The following CERS5 variants were observed in gnomAD, a reference collection of about 807,000 sequenced individuals.
CERS5 encodes the protein ceramide synthase 5.
CERS5 carries 37 observed loss-of-function variants against 58.9 expected under a neutral mutation model. That is an observed-to-expected ratio of 0.63 (90% CI 0.48 to 0.83). The LOEUF (loss-of-function observed/expected upper bound fraction) is 0.83. CERS5 is among the 40% of genes least tolerant of loss of function. CERS5 has a pLI of 0.00. For missense variants in CERS5, 398 were observed against 489.3 expected, an observed-to-expected ratio of 0.81 and a Z score of 1.76; for synonymous variants, 147 against 177.8, an observed-to-expected ratio of 0.83 and a Z score of 1.38.
intron 2 of CERS5, 56 bp from the exon 3 acceptor site, chr12:50,143,260 C>G (rs775758985): frequency 6.3e-7 from 1 of 1,593,950 alleles, no homozygotes; most frequent in Non-Finnish European, 8.6e-7. Flanking sequence ...CTCCTTCAAT[C>G]CCATTGACTA....
intron 1 of CERS5, among the ~76,000 whole-genome samples, chr12:50,147,577 A>C (rs1478899216): frequency 2.6e-5 from 4 of 152,190 alleles, no homozygotes; most frequent in African/African-American, 9.7e-5. Context: ...GAATAATTCT[A>C]TAATTTCATA....
Position 50,129,922 on chromosome 12 carries a change from T to TTGAG in CERS5, c.*619_*622dup, listed in dbSNP as rs1951221013. ...TCCCATGCTCCCTCCCTGGGTACCA[T>TTGAG]TGAGTAAAGAGCAGGGTATTGGCAG... On this transcript the variant is annotated 3_prime_UTR_variant, in exon 10 of 10. Coordinates refer to ENST00000317551, the MANE Select transcript of CERS5 (RefSeq NM_147190.5). The TTGAG allele has an allele frequency of 1.3e-5, 2 of 152,214 alleles. No individual in the cohort carries two copies. The highest frequency in any genetic ancestry group is 6.6e-5 in the Admixed American group (1 of 15,258). 9.4% of individuals were successfully genotyped at this position (152,214 alleles called of 1,614,324 possible).
chr12:50,159,146 C>A (rs1434891766), intron 1 of CERS5, among the ~76,000 whole-genome samples: 2 of 151,972 alleles, frequency 1.3e-5, no homozygotes, highest in African/African-American at 4.8e-5. Context: ...ACGGTGAAAC[C>A]CCATCTCTAT....
intron 1 of CERS5, among the ~76,000 whole-genome samples, chr12:50,156,913 AC>A (rs1938724372): frequency 6.6e-6 from 1 of 152,162 alleles, no homozygotes; most frequent in African/African-American, 2.4e-5. Context: ...GATGGTTAAT[AC>A]TGAGTATCAA....
At chr12:50,140,286 T>A (rs1321560343) in intron 4 of CERS5, among the ~76,000 whole-genome samples, 8 of 58,050 alleles carry the variant, frequency 1.4e-4, no homozygotes, top group Admixed American at 1.1e-3. Flanking sequence ...ACTTCCAAAT[T>A]TTTTTTTTTT....
chr12:50,157,917 C>A (rs1283630806), intron 1 of CERS5, among the ~76,000 whole-genome samples: 1 of 151,954 alleles, frequency 6.6e-6, no homozygotes, highest in Non-Finnish European at 1.5e-5. Context: ...CAAAAATTAG[C>A]CAGGCACAGT....
At chr12:50,163,436 G>A (rs1050442457) in intron 1 of CERS5, among the ~76,000 whole-genome samples, 17 of 151,362 alleles carry the variant, frequency 1.1e-4, no homozygotes, top group African/African-American at 4.1e-4. Flanking sequence ...GACCTCAAGT[G>A]ATCTGCCTGC....
intron 6 of CERS5, among the ~76,000 whole-genome samples, chr12:50,136,483 A>G (rs1371482926): frequency 1.3e-5 from 2 of 152,170 alleles, no homozygotes; most frequent in African/African-American, 4.8e-5. Flanking sequence ...AAAAAAAAAA[A>G]AAAAGTTTCC....
chr12:50,166,059 A>G, intron 1 of CERS5: 1 of 401,746 alleles, frequency 2.5e-6, no homozygotes, highest in Non-Finnish European at 5.0e-6. Flanking sequence ...GCGGTGGCTC[A>G]CGCCTGTAAT....
chr12:50,137,639 G>T, intron 6 of CERS5, 89 bp downstream of exon 6: 1 of 719,684 alleles, frequency 1.4e-6, no homozygotes, highest in African/African-American at 1.8e-5. Flanking sequence ...GCAGTCTCAG[G>T]GAAGATAATA....
In CERS5 at chr12:50,130,152, A is replaced by C; in HGVS notation, c.*393T>G. 1 of 164,058 alleles carries C rather than the reference A, an allele frequency of 6.1e-6. No homozygotes were observed. Among genetic ancestry groups the C allele is most frequent in the Non-Finnish European group, 1.3e-5 (1 of 75,538 alleles). 10.2% of individuals were successfully genotyped at this position (164,058 alleles called of 1,614,324 possible). A position where few individuals can be genotyped will look rare whatever the true frequency, so the allele number is the denominator to read the frequency against. On this transcript the variant is annotated 3_prime_UTR_variant, in exon 10 of 10. Coordinates refer to ENST00000317551, the MANE Select transcript of CERS5 (RefSeq NM_147190.5). ...CAGGGGTTTAGAGTGTCAAGAGCCA[A>C]GGGCAAAAAAGAAGGAGAAGTCTGG...
chr12:50,131,941 T>TA (rs922150147), intron 9 of CERS5, among the ~76,000 whole-genome samples: 4 of 150,708 alleles, frequency 2.7e-5, no homozygotes, highest in Non-Finnish European at 5.9e-5. Context: ...CTACAAAAAA[T>TA]AAAAAATGAC....
At chr12:50,142,292 C>T (rs375633827) in intron 3 of CERS5, among the ~76,000 whole-genome samples, 182 bp from the exon 4 acceptor site, 1 of 152,032 alleles carries the variant, frequency 6.6e-6, no homozygotes, top group Non-Finnish European at 1.5e-5. Flanking sequence ...TGGTGGCTCA[C>T]ACCTGTAATC....
At chr12:50,159,018 GTCAA>G (rs2138248361) in intron 1 of CERS5, among the ~76,000 whole-genome samples, 1 of 152,082 alleles carries the variant, frequency 6.6e-6, no homozygotes, top group South Asian at 2.1e-4. Context: ...AGAAGCAACT[GTCAA>G]TCAAAGATTA....
At chr12:50,154,389 G>A in intron 1 of CERS5, 1 of 159,208 alleles carries the variant, frequency 6.3e-6, no homozygotes, top group South Asian at 1.6e-4. Flanking sequence ...CTTGTGTTTT[G>A]GTGTAGTATC....
chr12:50,144,654 G>T, intron 1 of CERS5: 2 of 541,644 alleles, frequency 3.7e-6, no homozygotes, highest in Non-Finnish European at 6.3e-6. Flanking sequence ...TCTTTCAGGA[G>T]TCGAGAAGAA....
chr12:50,148,998 TACATGTAGAAA>T (rs1952509582), intron 1 of CERS5, among the ~76,000 whole-genome samples: 1 of 145,070 alleles, frequency 6.9e-6, no homozygotes, highest in Non-Finnish European at 1.5e-5. Context: ...CATGTATAAA[TACATGTAGAAA>T]ACATGTACAT....
chr12:50,157,754 C>T (rs1938812761), intron 1 of CERS5, among the ~76,000 whole-genome samples: 1 of 152,000 alleles, frequency 6.6e-6, no homozygotes. Flanking sequence ...CAATAATTGA[C>T]ACTATCTAGA....
intron 1 of CERS5, among the ~76,000 whole-genome samples, chr12:50,160,832 G>A (rs1312257542): frequency 6.6e-6 from 1 of 152,164 alleles, no homozygotes; most frequent in Admixed American, 6.6e-5. Flanking sequence ...GAAGCAACAA[G>A]TGGAAGACTT....
Sources: gnomAD v4.1 joint callset for allele counts (sites outside exome capture counted in the v4.1 genomes callset) on GRCh38, gnomAD v4.1.1 for gene constraint, MANE v1.5 for transcripts, NCBI Gene and HGNC (gene_info 2026-07-23, HGNC 2026-07-21) for gene names.